Variants in PHIP observed in about 807,000 individuals in gnomAD.
PHIP encodes the protein PH-interacting protein.
In PHIP, 54 loss-of-function variants were observed where a neutral mutation model predicts 236.8. That is an observed-to-expected ratio of 0.23 (90% confidence interval 0.18 to 0.29). PHIP has a LOEUF of 0.29. Among genes scored for constraint, PHIP ranks in the 10% least tolerant of loss-of-function variants. The pLI is 1.00. For synonymous variants in PHIP, 756 were observed against 718.9 expected (o/e 1.05, Z -0.83); for missense variants, 1,370 against 2,190.8 (o/e 0.63, Z 7.48).
At chr6:78,948,094 G>A (rs1218575295) in intron 35 of PHIP, among the ~76,000 whole-genome samples, 1 of 151,992 alleles carries the variant, frequency 6.6e-6, no homozygotes, top group Non-Finnish European at 1.5e-5. Context: ...CTCTACAACC[G>A]AAAGTTTGAA....
Position 78,987,652 on chromosome 6 carries a change from A to G in PHIP, c.2460+557T>C, listed in dbSNP as rs138073479. ...GGAATGGAGATGGTTTAACTGCTTA[A>G]TAAGATTGGTTTATGATTGCAAATT... On this transcript the variant is annotated intron_variant, in intron 21 of 39. Coordinates refer to ENST00000275034, the MANE Select transcript of PHIP (RefSeq NM_017934.7). Among the ~76,000 whole-genome samples, 677 of 152,264 alleles carry G rather than the reference A, an allele frequency of 4.4e-3. 2 individuals are homozygous for G. Among genetic ancestry groups the G allele is most frequent in the Non-Finnish European group, 6.5e-3 (444 of 67,990 alleles).
chr6:79,041,542 A>C (rs1772212178), intron 7 of PHIP, among the ~76,000 whole-genome samples: 1 of 152,056 alleles, frequency 6.6e-6, no homozygotes, highest in Non-Finnish European at 1.5e-5. Context: ...ATTTTAATTT[A>C]TTACTGTTTT....
chr6:79,041,429 T>A (rs574071309), intron 7 of PHIP, among the ~76,000 whole-genome samples: 19 of 152,248 alleles, frequency 1.2e-4, no homozygotes, highest in African/African-American at 4.3e-4. Flanking sequence ...AAACAAATGC[T>A]TACAATCCCT....
At chr6:78,981,110 A>AAT (rs1768499152) in intron 23 of PHIP, among the ~76,000 whole-genome samples, 1 of 152,062 alleles carries the variant, frequency 6.6e-6, no homozygotes, top group East Asian at 1.9e-4. Context: ...AATTATAACC[A>AAT]TTAAGGGGTT....
chr6:79,023,092 TA>T, intron 9 of PHIP, among the ~76,000 whole-genome samples: 2 of 152,332 alleles, frequency 1.3e-5, no homozygotes, highest in South Asian at 4.1e-4. Context: ...TTTGTGTTTT[TA>T]ATAAGACAGG....
Position 78,936,754 on chromosome 6 carries a change from T to C in PHIP, c.*3939A>G, listed in dbSNP as rs189704149. On this transcript the variant is annotated 3_prime_UTR_variant, in exon 40 of 40. Transcript: ENST00000275034. ...GCCAAAAGTGGTACTTACAGTCTTC[T>C]GACTCAATTTGACCTTTTCTTGGGT... 1.3e-5 allele frequency: 2 copies of C among 151,888 alleles called. No homozygotes were observed. Among genetic ancestry groups the C allele is most frequent in the Non-Finnish European group, 3.0e-5 (2 of 67,774 alleles). The allele number at this position is 151,888 out of a possible 1,614,324, so 9.4% of individuals were successfully genotyped here.
chr6:78,978,908 A>G (rs955570804), intron 23 of PHIP, among the ~76,000 whole-genome samples, 197 bp from the exon 24 acceptor site: 1 of 152,056 alleles, frequency 6.6e-6, no homozygotes, highest in Non-Finnish European at 1.5e-5. Context: ...AAATATTTGG[A>G]AAAAAAATTC....
At chr6:79,077,979 C>T in intron 1 of PHIP, 50 bp downstream of exon 1, 1 of 1,599,022 alleles carries the variant, frequency 6.3e-7, no homozygotes, top group African/African-American at 1.3e-5. Context: ...GGCGGGGGAC[C>T]GCGGGCGGAA....
intron 9 of PHIP, among the ~76,000 whole-genome samples, chr6:79,021,508 A>AT (rs1444323418): frequency 5.9e-5 from 9 of 152,244 alleles, no homozygotes; most frequent in Admixed American, 5.9e-4. Flanking sequence ...GATAAAGAAA[A>AT]TGTGGTACTT....
chr6:78,944,956 A>C (rs1382905919), intron 39 of PHIP, among the ~76,000 whole-genome samples: 1 of 140,288 alleles, frequency 7.1e-6, no homozygotes, highest in Non-Finnish European at 1.6e-5. Context: ...TTATTTAGTA[A>C]AAGTCAGTCT....
intron 19 of PHIP, among the ~76,000 whole-genome samples, chr6:78,995,158 A>C (rs571183326): frequency 1.3e-5 from 2 of 152,202 alleles, no homozygotes; most frequent in Non-Finnish European, 2.9e-5. Context: ...TTCTCCACTC[A>C]GCATAATTCC....
At chr6:78,975,110 T>C (rs1283465788) in intron 24 of PHIP, among the ~76,000 whole-genome samples, 2 of 151,766 alleles carry the variant, frequency 1.3e-5, no homozygotes, top group Admixed American at 6.6e-5. Context: ...TGAACATTGA[T>C]GCAAAAATCC....
intron 6 of PHIP, among the ~76,000 whole-genome samples, chr6:79,044,474 T>G (rs1042941560): frequency 2.0e-5 from 3 of 152,130 alleles, no homozygotes; most frequent in African/African-American, 7.2e-5. Flanking sequence ...GGCTCCAAAC[T>G]TATTTAATGC....
chr6:79,027,007 T>C (rs143835852), intron 7 of PHIP, among the ~76,000 whole-genome samples: 1 of 152,152 alleles, frequency 6.6e-6, no homozygotes, highest in East Asian at 1.9e-4. Flanking sequence ...TTACTGAATA[T>C]TTTACAGGAT....
At chr6:78,970,996 T>G (rs775786681) in intron 24 of PHIP, 108 bp from the exon 25 acceptor site, 6 of 696,394 alleles carry the variant, frequency 8.6e-6, no homozygotes, top group Non-Finnish European at 1.4e-5. Flanking sequence ...TTTCAGCTAA[T>G]AGAAATTCTA....
In PHIP at chr6:79,002,167, G is replaced by A. The variant is rs1319916535; in HGVS notation, c.1654-43C>T. The A allele has an allele frequency of 5.1e-6, 7 of 1,361,464 alleles. No individual in the cohort carries two copies. In the Admixed American group the frequency reaches 7.6e-5, roughly 15 times the overall value. The allele number at this position is 1,361,464 out of a possible 1,614,324, so 84.3% of individuals were successfully genotyped here. On this transcript the variant is annotated intron_variant, in intron 16 of 39. Coordinates refer to ENST00000275034, the MANE Select transcript of PHIP (RefSeq NM_017934.7). ...CATAAAAGACTGGAAAAATAAAAAT[G>A]TATCATTGTAGAAAAAAAGTCTACA...
rs1379050143 is a variant in PHIP at position 78,937,736 on chromosome 6, A to C, written c.*2957T>G. 1 of 151,762 alleles carries C rather than the reference A, an allele frequency of 6.6e-6. No individual in the cohort carries two copies. Among genetic ancestry groups the C allele is most frequent in the Non-Finnish European group, 1.5e-5 (1 of 67,676 alleles). 9.4% of individuals were successfully genotyped at this position (151,762 alleles called of 1,614,324 possible). A position where few individuals can be genotyped will look rare whatever the true frequency, so the allele number is the denominator to read the frequency against. On this transcript the variant is annotated 3_prime_UTR_variant, in exon 40 of 40. Transcript: ENST00000275034. ...TAGTCCAATGCCACTATAGCAGGTC[A>C]CAAAGGATAAAATTTTAAAAAGCTA...
At chr6:79,030,937 T>TTTTG (rs374346514) in intron 7 of PHIP, among the ~76,000 whole-genome samples, 63 of 152,144 alleles carry the variant, frequency 4.1e-4, no homozygotes, top group South Asian at 1.0e-3. Flanking sequence ...TCTTGTTTTT[T>TTTTG]TTTGTTTGTT....
chr6:79,030,119 G>A (rs1001666144), intron 7 of PHIP, among the ~76,000 whole-genome samples: 1 of 152,102 alleles, frequency 6.6e-6, no homozygotes, highest in African/African-American at 2.4e-5. Context: ...AAGGAAGTAG[G>A]GAGAGATCAT....
Sources: allele counts gnomAD v4.1 joint callset (sites outside exome capture counted in the v4.1 genomes callset), GRCh38; gene constraint gnomAD v4.1.1; transcripts MANE v1.5; gene names NCBI Gene and HGNC (gene_info 2026-07-23, HGNC 2026-07-21).